The following NOL6 variants were observed in gnomAD, a reference collection of about 807,000 sequenced individuals.
The protein encoded by NOL6 is nucleolar RNA-associated protein.
In NOL6, 33 loss-of-function variants were observed where a neutral mutation model predicts 131.7. The ratio of observed to expected loss-of-function variants is 0.25; its 90% CI spans 0.19 to 0.33. NOL6 has a LOEUF of 0.33. NOL6 is among the 10% of genes least tolerant of loss of function. The probability of loss-of-function intolerance (pLI) is 1.00; values close to 1 mark genes in which losing one functional copy is unlikely to be tolerated. For synonymous variants in NOL6, 580 were observed against 605.7 expected (o/e 0.96, Z 0.62); for missense variants, 1,297 against 1,494.5 (o/e 0.87, Z 2.18).
chr9:33,463,485 G>T, intron 23 of NOL6, 44 bp from the exon 24 acceptor site: 1 of 1,540,674 alleles, frequency 6.5e-7, no homozygotes, highest in Non-Finnish European at 8.8e-7. Flanking sequence ...CCCCTTGACT[G>T]AGGAACTGGA....
intron 23 of NOL6, 101 bp downstream of exon 23, chr9:33,463,730 A>G: frequency 1.5e-6 from 2 of 1,294,998 alleles, no homozygotes; most frequent in Non-Finnish European, 2.2e-6. Context: ...GTTCAGTCTC[A>G]CCAAACAAGG....
At position 33,466,334 on chromosome 9, in the gene NOL6, C is replaced by A; in HGVS notation, c.2183G>T (p.Cys728Phe). 6.2e-7 allele frequency: 1 copy of A among 1,614,208 alleles called. No individual in the cohort carries two copies. Among genetic ancestry groups the A allele is most frequent in the Non-Finnish European group, 8.5e-7 (1 of 1,180,044 alleles). Residue 728 changes from cysteine (C) to phenylalanine (F), a missense_variant, in exon 17 of 26, where the codon TGT (cysteine) becomes TTT (phenylalanine). Physicochemically the swap from Cys to Phe is radical, Grantham distance 205 (BLOSUM62 -2). Coordinates refer to ENST00000297990, the MANE Select transcript of NOL6 (RefSeq NM_022917.5). ...SSLLPRLDKPCPAYVEPMTVV... is the reference protein window; with the variant it reads ...SSLLPRLDKPFPAYVEPMTVV... ...GGTCATGGGCTCCACGTAGGCCGGA[C>A]AGGGCTTATCGAGCCGGGGCAGCAG...
rs1466956849 is a variant in NOL6, at chr9:33,463,432, G to A, written c.3004C>T (p.Arg1002Trp). 14 of 1,610,790 alleles carry A rather than the reference G, an allele frequency of 8.7e-6. No individual in the cohort carries two copies. Among genetic ancestry groups the A allele is most frequent in the East Asian group, 2.2e-5 (1 of 44,820 alleles). The change falls in exon 24 of 26, where the codon CGG (arginine) becomes TGG (tryptophan). Residue 1002 changes from arginine to tryptophan, a missense_variant. By Grantham distance (101) the Arg-to-Trp change is moderately radical. Coordinates refer to ENST00000297990, the MANE Select transcript of NOL6 (RefSeq NM_022917.5). ...ACGTCGTAAATGTCCAAGGGCGGCC[G>A]GAACACTGTCTAAGGAAGGGGAGAA... ...RGPGDIRTVF[R>W]PPLDIYDVLI...
rs915832183 is a variant in NOL6 at position 33,467,066 on chromosome 9, G to A, written c.1874+48C>T. ...ACTGCCTGGGCCAGACCCCTGAAAA[G>A]GCTCCCCAGCCCACACTGCCTTCTG... On this transcript the variant is annotated intron_variant, in intron 14 of 25. Coordinates refer to ENST00000297990, the MANE Select transcript of NOL6 (RefSeq NM_022917.5). This position sits in a 1 kb window ranked among gnomAD's most constrained non-coding sequence, Gnocchi z 4.4. 4.3e-6 allele frequency: 7 copies of A among 1,612,960 alleles called. No homozygotes were observed. In the South Asian group the frequency reaches 4.4e-5, roughly 10 times the overall value.
At chr9:33,472,762 C>T in intron 1 of NOL6, 1 of 320,742 alleles carries the variant, frequency 3.1e-6, no homozygotes, top group Non-Finnish European at 5.9e-6. Flanking sequence ...CAGCTGAAGT[C>T]AGGAGTTCGA....
At chr9:33,469,894 C>G in intron 4 of NOL6, 118 bp downstream of exon 4, 1 of 1,169,844 alleles carries the variant, frequency 8.5e-7, no homozygotes, top group South Asian at 1.6e-5. Flanking sequence ...CAATGGTCTG[C>G]TCTTCTGATT....
In NOL6 at chr9:33,462,326, A is replaced by C. The variant is rs769297143; in HGVS notation, c.*338T>G. 1 of 685,474 alleles carries C rather than the reference A, an allele frequency of 1.5e-6. No individual in the cohort carries two copies. Among genetic ancestry groups the C allele is most frequent in the South Asian group, 1.6e-5 (1 of 63,436 alleles). 42.5% of individuals were successfully genotyped at this position (685,474 alleles called of 1,614,324 possible). ...CATCCCCTTCTCTGTTTCTGGAAGA[A>C]GACTAAGAAAGGAGTGGGAAATCGC... On this transcript the variant is annotated 3_prime_UTR_variant, in exon 26 of 26. Transcript: ENST00000297990.
chr9:33,463,950 C>A, intron 22 of NOL6, 30 bp from the exon 23 acceptor site: 4 of 1,614,146 alleles, frequency 2.5e-6, no homozygotes, highest in Non-Finnish European at 3.4e-6. Flanking sequence ...CAGACTGGAA[C>A]TGAAGTGGGT....
chr9:33,470,178 G>A lies in NOL6; in HGVS notation c.392C>T (p.Ala131Val). Reference protein sequence around the residue: ...SVPETELTDQAWLPAGVRVPL... With the variant: ...SVPETELTDQVWLPAGVRVPL... ...CACTCGAACCCCAGCTGGGAGCCAT[G>A]CCTGGTCAGTGAGCTGTGGGGGCAG... The change falls in exon 4 of 26, where the codon GCA (alanine) becomes GTA (valine). Residue 131 changes from alanine to valine, a missense_variant. Physicochemically the swap from Ala to Val is moderately conservative, Grantham distance 64. Transcript: ENST00000297990. The A allele has an allele frequency of 6.3e-7, 1 of 1,586,208 alleles. No individual in the cohort carries two copies. The highest frequency in any genetic ancestry group is 8.6e-7 in the Non-Finnish European group (1 of 1,162,286).
Position 33,467,992 on chromosome 9 carries a change from C to A in NOL6, c.1424+38G>T, listed in dbSNP as rs1827296794. Reference sequence around the variant, plus strand: ...CCCCACCACTGTAGCCCCGAAGAGACAGGACCCGCCAACATACCCTGTCAC... The same window carrying A: ...CCCCACCACTGTAGCCCCGAAGAGAAAGGACCCGCCAACATACCCTGTCAC... On this transcript the variant is annotated intron_variant, in intron 11 of 25. Coordinates refer to ENST00000297990, the MANE Select transcript of NOL6 (RefSeq NM_022917.5). The surrounding 1 kb of genome is among the most constrained non-coding windows in gnomAD (Gnocchi z 4.4). The A allele has an allele frequency of 4.3e-6, 7 of 1,613,838 alleles. No individual in the cohort carries two copies. In the East Asian group the frequency reaches 1.6e-4, roughly 36 times the overall value.
intron 4 of NOL6, 136 bp from the exon 5 acceptor site, chr9:33,469,803 C>A: frequency 3.5e-6 from 4 of 1,143,800 alleles, no homozygotes; most frequent in Non-Finnish European, 4.9e-6. Context: ...CAACACTAGG[C>A]CCAGTTCTCA....
In NOL6 at chr9:33,462,776, C is replaced by T. The variant is rs1827132386; in HGVS notation, c.3329G>A (p.Gly1110Asp). The change falls in exon 26 of 26, where the codon GGT (glycine) becomes GAT (aspartate). Residue 1110 changes from glycine to aspartate, a missense_variant. By Grantham distance (94) the Gly-to-Asp change is moderately conservative. Transcript: ENST00000297990. ...STKGRMVMSRGGELVMVPNVE... is the reference protein window; with the variant it reads ...STKGRMVMSRDGELVMVPNVE... ...ATTGGGCACCATTACTAGCTCCCCACCTCGAGACATCACCATGCGCCCCTT... is the reference window on the plus strand; with the variant it reads ...ATTGGGCACCATTACTAGCTCCCCATCTCGAGACATCACCATGCGCCCCTT... 1.2e-6 allele frequency: 2 copies of T among 1,614,200 alleles called. No homozygotes were observed. Among genetic ancestry groups the T allele is most frequent in the Non-Finnish European group, 1.7e-6 (2 of 1,180,038 alleles).
intron 1 of NOL6, 58 bp from the exon 2 acceptor site, chr9:33,472,470 T>C (rs1378982608): frequency 4.3e-6 from 6 of 1,390,768 alleles, no homozygotes; most frequent in Non-Finnish European, 6.0e-6. Context: ...ATCTGCTGCC[T>C]AAAGTGCCAC....
intron 21 of NOL6, 127 bp from the exon 22 acceptor site, chr9:33,464,288 C>A: frequency 8.7e-7 from 1 of 1,144,252 alleles, no homozygotes; most frequent in Non-Finnish European, 1.2e-6. Flanking sequence ...TCCCCCCCAC[C>A]AAGTGGCAAA....
rs1827312311 is a variant in NOL6, at chr9:33,468,494, C to G, written c.1206+14G>C. ...CAGGCCTCCTGGCATAGACCTGGCC[C>G]TTCCCCAACTCACCAAAGAGGGATC... On this transcript the variant is annotated intron_variant, in intron 9 of 25. Transcript: ENST00000297990. The G allele has an allele frequency of 6.2e-7, 1 of 1,614,132 alleles. No homozygotes were observed. The highest frequency in any genetic ancestry group is 1.3e-5 in the African/African-American group (1 of 75,034).
chr9:33,462,767 A>C lies in NOL6; in HGVS notation c.3338T>G (p.Leu1113Arg). The change falls in exon 26 of 26, where the codon CTA (leucine) becomes CGA (arginine). Residue 1113 changes from leucine to arginine, a missense_variant. Physicochemically the swap from Leu to Arg is moderately radical, Grantham distance 102. Transcript: ENST00000297990. ...TGCTTCAACATTGGGCACCATTACT[A>C]GCTCCCCACCTCGAGACATCACCAT... ...GRMVMSRGGELVMVPNVEAIL... is the reference protein window; with the variant it reads ...GRMVMSRGGERVMVPNVEAIL... The C allele has an allele frequency of 6.2e-7, 1 of 1,614,040 alleles. No homozygotes were observed. The highest frequency in any genetic ancestry group is 1.1e-5 in the South Asian group (1 of 91,076).
intron 1 of NOL6, 82 bp downstream of exon 1, chr9:33,473,707 G>T: frequency 1.6e-5 from 24 of 1,516,704 alleles, no homozygotes; most frequent in Non-Finnish European, 2.2e-5. Context: ...TCACCCGCAA[G>T]CTGTCAGATC....
In NOL6 at chr9:33,461,665, A is replaced by G. The variant is rs1827097254; in HGVS notation, c.*999T>C. ...TGCCTGCCAAACGAACTGAACAGACAGTAACTGCTCTAATAGTTCAGAGGA... is the reference window on the plus strand; with the variant it reads ...TGCCTGCCAAACGAACTGAACAGACGGTAACTGCTCTAATAGTTCAGAGGA... On this transcript the variant is annotated 3_prime_UTR_variant, in exon 26 of 26. Coordinates refer to ENST00000297990, the MANE Select transcript of NOL6 (RefSeq NM_022917.5). 6.5e-6 allele frequency: 1 copy of G among 154,876 alleles called. No individual in the cohort carries two copies. Among genetic ancestry groups the G allele is most frequent in the Non-Finnish European group, 1.4e-5 (1 of 69,588 alleles). The allele number at this position is 154,876 out of a possible 1,614,324, so 9.6% of individuals were successfully genotyped here.
At position 33,462,010 on chromosome 9, in the gene NOL6, GACT is replaced by G. The variant is rs1827105596; in HGVS notation, c.*651_*653del. 7 of 632,700 alleles carry G rather than the reference GACT, an allele frequency of 1.1e-5. No homozygotes were observed. Among genetic ancestry groups the G allele is most frequent in the South Asian group, 7.2e-5 (4 of 55,246 alleles). The allele number at this position is 632,700 out of a possible 1,614,324, so 39.2% of individuals were successfully genotyped here. A position where few individuals can be genotyped will look rare whatever the true frequency, so the allele number is the denominator to read the frequency against. ...TTTTTGCACCTCTCCAAGATTGGGT[GACT>G]ACCAGTCCCCTGACCCCTTCACCTA... On this transcript the variant is annotated 3_prime_UTR_variant, in exon 26 of 26. Transcript: ENST00000297990.
Sources: gnomAD v4.1 joint callset for allele counts on GRCh38, gnomAD v4.1.1 for gene constraint, Gnocchi (gnomAD v3.1) non-coding constraint, MANE v1.5 for transcripts, NCBI Gene and HGNC (gene_info 2026-07-23, HGNC 2026-07-21) for gene names.